METTL8: variants seen among roughly 807,000 people sequenced by gnomAD.
METTL8 encodes methyltransferase 8, tRNA N3-cytidine, also known as tRNA N(3)-cytidine methyltransferase METTL8, mitochondrial.
Under a neutral mutation model 48.7 loss-of-function variants are expected in METTL8, and 32 were observed. The observed-to-expected ratio is 0.66, with a 90% confidence interval of 0.50 to 0.88. METTL8 has a LOEUF of 0.88. Ranked by LOEUF, METTL8 falls within the 40% of genes least tolerant of loss-of-function variation. The probability of loss-of-function intolerance (pLI) is 0.00; values close to 1 mark genes in which losing one functional copy is unlikely to be tolerated. For synonymous variants in METTL8, 136 were observed against 157.1 expected, an observed-to-expected ratio of 0.87 and a Z score of 1.01; for missense variants, 464 against 474.4, an observed-to-expected ratio of 0.98 and a Z score of 0.20.
intron 7 of METTL8, 34 bp from the exon 8 acceptor site, chr2:171,326,182 TTGTAGAAA>T: frequency 8.4e-7 from 1 of 1,189,872 alleles, no homozygotes; most frequent in African/African-American, 1.5e-5. Flanking sequence ...GATACCCAGT[TTGTAGAAA>T]TCTTGTTTTA....
At chr2:171,353,374 TG>T (rs2105453428) in intron 3 of METTL8, among the ~76,000 whole-genome samples, 1 of 152,234 alleles carries the variant, frequency 6.6e-6, no homozygotes, top group African/African-American at 2.4e-5. Context: ...TGCCGAGGAG[TG>T]CTTTACTTCT....
intron 1 of METTL8, among the ~76,000 whole-genome samples, chr2:171,420,525 A>G (rs1274808816): frequency 6.6e-6 from 1 of 152,114 alleles, no homozygotes; most frequent in Non-Finnish European, 1.5e-5. Context: ...GCTATCAACC[A>G]CCCCTAAATG....
At position 171,324,191 on chromosome 2, in the gene METTL8, G is replaced by A. The variant is rs763783959; in HGVS notation, c.1205C>T (p.Thr402Ile). Residue 402 changes from threonine (T) to isoleucine (I), a missense_variant, in exon 10 of 10, where the codon ACA becomes ATA. Thr to Ile is a moderately conservative substitution (Grantham distance 89, BLOSUM62 -1). Transcript: ENST00000375258. ...QTQNSSNMVS[T>I]LLSQD ...CAAAGTTCAGTCTTGTGAAAGGAGT[G>A]TAGATACCATATTGGAGCTATTCTG... 3 of 1,549,808 alleles carry A rather than the reference G, an allele frequency of 1.9e-6. No homozygotes were observed. The highest frequency in any genetic ancestry group is 1.2e-5 in the South Asian group (1 of 83,954).
chr2:171,319,581 C>T lies in METTL8; in HGVS notation c.*4591G>A, dbSNP rs909484404. ...TACAGCAACGACTTAGAATCACACA[C>T]GGGTAGAAACCGGGACGTGTTCACA... is the stretch of plus-strand genomic sequence containing the variant. On this transcript the variant is annotated 3_prime_UTR_variant, in exon 10 of 10. Transcript: ENST00000375258. 5 of 152,174 alleles carry T rather than the reference C, an allele frequency of 3.3e-5. No homozygotes were observed. Among genetic ancestry groups the T allele is most frequent in the Admixed American group, 6.5e-5 (1 of 15,278 alleles). 9.4% of individuals were successfully genotyped at this position (152,174 alleles called of 1,614,324 possible). A position where few individuals can be genotyped will look rare whatever the true frequency, so the allele number is the denominator to read the frequency against.
intron 1 of METTL8, among the ~76,000 whole-genome samples, chr2:171,412,983 A>G (rs1051333666): frequency 3.3e-5 from 5 of 152,236 alleles, no homozygotes; most frequent in Non-Finnish European, 7.3e-5. Context: ...TGAGAACAAG[A>G]TATTTTTGGC....
At chr2:171,434,748 C>T, upstream of METTL8, 1 of 1,390,620 alleles carries the variant, frequency 7.2e-7, no homozygotes, top group Non-Finnish European at 9.2e-7. Context: ...CGCGGGCGCG[C>T]GGCGGCCGAG....
In METTL8 at chr2:171,326,038, T is replaced by C; in HGVS notation, c.967+4A>G. The C allele has an allele frequency of 6.8e-7, 1 of 1,472,676 alleles. No individual in the cohort carries two copies. The highest frequency in any genetic ancestry group is 1.2e-5 in the South Asian group (1 of 80,984). 91.2% of individuals were successfully genotyped at this position (1,472,676 alleles called of 1,614,324 possible). ...AAATAACCTCAAACTGAATATACTA[T>C]TACCCTTTTTAAAACGAAGCTGAGT... On this transcript the variant is annotated splice_donor_region_variant and intron_variant, in intron 8 of 9. Coordinates refer to ENST00000375258, the MANE Select transcript of METTL8 (RefSeq NM_001321154.2).
rs57959119 is a variant in METTL8, at chr2:171,403,054, C to T, written c.-12-10857G>A. Among the ~76,000 whole-genome samples, 1,362 of 152,188 alleles carry T rather than the reference C, an allele frequency of 8.9e-3. 19 individuals are homozygous for T. Among genetic ancestry groups the T allele is most frequent in the African/African-American group, 0.031 (1,295 of 41,526 alleles). ...AATAAATGAGGGAGAAGAGAGAAATCGTCCATGCAAATAGTCCTGAATAAT... is the reference window on the plus strand; with the variant it reads ...AATAAATGAGGGAGAAGAGAGAAATTGTCCATGCAAATAGTCCTGAATAAT... On this transcript the variant is annotated intron_variant, in intron 1 of 9. Coordinates refer to ENST00000375258, the MANE Select transcript of METTL8 (RefSeq NM_001321154.2).
chr2:171,385,237 AC>A (rs201562831), intron 2 of METTL8, among the ~76,000 whole-genome samples: 2 of 150,834 alleles, frequency 1.3e-5, no homozygotes, highest in African/African-American at 2.4e-5. Context: ...ACATGGCAAG[AC>A]CCCCCCTCTC....
chr2:171,359,668 A>G (rs1293402089), intron 3 of METTL8, among the ~76,000 whole-genome samples: 2 of 151,722 alleles, frequency 1.3e-5, no homozygotes, highest in African/African-American at 4.8e-5. Context: ...GCTGGAGTAC[A>G]GTGGTGTGAT....
chr2:171,399,280 C>T (rs1252930701), intron 1 of METTL8, among the ~76,000 whole-genome samples: 1 of 152,076 alleles, frequency 6.6e-6, no homozygotes, highest in Non-Finnish European at 1.5e-5. Context: ...ATTGGATTGA[C>T]AGTGTCATTA....
chr2:171,398,345 A>G (rs1210228122), intron 1 of METTL8, among the ~76,000 whole-genome samples: 4 of 152,212 alleles, frequency 2.6e-5, no homozygotes, highest in African/African-American at 9.6e-5. Flanking sequence ...AAATTTTGAC[A>G]CATGGTACAA....
Position 171,391,915 on chromosome 2 carries a change from CT to C in METTL8, c.143+127del, listed in dbSNP as rs1163056159. The stretch of plus-strand genomic sequence containing the variant: ...CTTAAGTCAGGATCGGTTACCCTAG[CT>C]TTTGGACCTCTACAACATGAGTTAG... On this transcript the variant is annotated intron_variant, in intron 2 of 9. Coordinates refer to ENST00000375258, the MANE Select transcript of METTL8 (RefSeq NM_001321154.2). The C allele has an allele frequency of 3.9e-5, 35 of 898,778 alleles. No individual in the cohort carries two copies. In the African/African-American group the frequency reaches 4.9e-4, roughly 13 times the overall value. The allele number at this position is 898,778 out of a possible 1,614,324, so 55.7% of individuals were successfully genotyped here.
At position 171,410,446 on chromosome 2, in the gene METTL8, CAA is replaced by C. The variant is rs549658108; in HGVS notation, c.-12-18251_-12-18250del. ...AAATATGATTCTTTCCAAACAACAA[CAA>C]AACACATAAAACCTGTCAACCAACT... On this transcript the variant is annotated intron_variant, in intron 1 of 9. Transcript: ENST00000375258. Among the ~76,000 whole-genome samples, 430 of 152,300 alleles carry C rather than the reference CAA, an allele frequency of 2.8e-3. 6 individuals are homozygous for C. Among genetic ancestry groups the C allele is most frequent in the African/African-American group, 9.7e-3 (403 of 41,570 alleles).
intron 3 of METTL8, among the ~76,000 whole-genome samples, chr2:171,346,762 G>A (rs1357155066): frequency 2.6e-5 from 4 of 152,116 alleles, no homozygotes; most frequent in African/African-American, 7.2e-5. Context: ...CTTCCTCTGG[G>A]GTCTCAGTGT....
In METTL8 at chr2:171,317,399, A is replaced by T. The variant is rs1437201902; in HGVS notation, c.*6773T>A. 3.3e-5 allele frequency: 5 copies of T among 152,224 alleles called. No individual in the cohort carries two copies. The highest frequency in any genetic ancestry group is 1.2e-4 in the African/African-American group (5 of 41,456). The allele number at this position is 152,224 out of a possible 1,614,324, so 9.4% of individuals were successfully genotyped here. ...GCCCAACTAGGAAAGACGATGCTGG[A>T]GCTTTAGGAGGCAATCAAAGGCTCA... On this transcript the variant is annotated 3_prime_UTR_variant, in exon 10 of 10. Transcript: ENST00000375258.
intron 1 of METTL8, among the ~76,000 whole-genome samples, chr2:171,417,630 G>C (rs1022177198): frequency 6.6e-6 from 1 of 152,204 alleles, no homozygotes. Context: ...AGGCTGGTAC[G>C]TGAGTTCATC....
At chr2:171,328,563 T>C (rs567983692) in intron 7 of METTL8, among the ~76,000 whole-genome samples, 1 of 152,314 alleles carries the variant, frequency 6.6e-6, no homozygotes, top group South Asian at 2.1e-4. Context: ...CAGGCTAGAG[T>C]ACAGTGGCGT....
chr2:171,355,329 A>G (rs1480819705), intron 3 of METTL8, among the ~76,000 whole-genome samples: 1 of 152,222 alleles, frequency 6.6e-6, no homozygotes, highest in Non-Finnish European at 1.5e-5. Context: ...TTCCTCTGGA[A>G]GCTTCGTCTC....
Sources: gnomAD v4.1 joint callset for allele counts (sites outside exome capture counted in the v4.1 genomes callset) on GRCh38, gnomAD v4.1.1 for gene constraint, MANE v1.5 for transcripts, NCBI Gene and HGNC (gene_info 2026-07-23, HGNC 2026-07-21) for gene names.